The following TLK2 variants were observed in gnomAD, a reference collection of about 807,000 sequenced individuals.
The protein encoded by TLK2 is tousled like kinase 2.
A neutral mutation model predicts 117.3 loss-of-function variants in TLK2; 6 were observed. The observed-to-expected ratio is 0.05, with a 90% CI of 0.03 to 0.10. The LOEUF is 0.10. Among genes scored for constraint, TLK2 ranks in the 10% least tolerant of loss-of-function variants. The pLI, the probability that TLK2 is intolerant of heterozygous loss-of-function variation, is 1.00. For missense variants in TLK2, 299 were observed against 901.2 expected (o/e 0.33, Z 8.56); for synonymous variants, 257 against 316.7 (o/e 0.81, Z 2.00).
intron 2 of TLK2, among the ~76,000 whole-genome samples, chr17:62,491,789 T>C (rs2144706303): frequency 6.6e-6 from 1 of 152,310 alleles, no homozygotes; most frequent in East Asian, 1.9e-4. Flanking sequence ...TTTCACCGTG[T>C]TGGCCAGGAT....
chr17:62,565,428 G>A (rs1278068887), intron 11 of TLK2, among the ~76,000 whole-genome samples: 2 of 151,838 alleles, frequency 1.3e-5, no homozygotes, highest in African/African-American at 4.8e-5. Flanking sequence ...GCCGAGGCGG[G>A]TGGATCATGA....
chr17:62,510,967 C>CT lies in TLK2; in HGVS notation c.82-9800dup, dbSNP rs540584966. 9.2e-5 allele frequency among the ~76,000 whole-genome samples: 14 copies of CT among 152,176 alleles called. No individual in the cohort carries two copies. The South Asian group carries it at 2.7e-3, about 29-fold the overall frequency. On this transcript the variant is annotated intron_variant, in intron 2 of 21. Coordinates refer to ENST00000346027, the MANE Select transcript of TLK2 (RefSeq NM_006852.6). Reference sequence around the variant, plus strand: ...AAAACCCCAAAAACTTTAGAAAAATCTTTTTTATTTCAGAGTAATTAGAGA... The same window carrying CT: ...AAAACCCCAAAAACTTTAGAAAAATCTTTTTTTATTTCAGAGTAATTAGAGA...
chr17:62,570,886 A>G (rs886590993), intron 11 of TLK2, among the ~76,000 whole-genome samples: 1 of 152,202 alleles, frequency 6.6e-6, no homozygotes, highest in Non-Finnish European at 1.5e-5. Flanking sequence ...CAATTTTGCA[A>G]AACACTGTTA....
intron 16 of TLK2, among the ~76,000 whole-genome samples, chr17:62,596,158 T>A (rs6504111): frequency 0.68 from 102,880 of 152,004 alleles, 35,038 homozygotes; most frequent in East Asian, 0.82. Context: ...GCTCACTGCA[T>A]CCTCCAACTC....
chr17:62,586,282 G>A (rs1367269447), intron 16 of TLK2, 56 bp downstream of exon 16: 4 of 1,248,994 alleles, frequency 3.2e-6, no homozygotes, highest in Non-Finnish European at 4.6e-6. Context: ...TGTAGTTTGA[G>A]CATTATGCTA....
At chr17:62,502,333 A>G (rs2074272618) in intron 2 of TLK2, among the ~76,000 whole-genome samples, 1 of 152,170 alleles carries the variant, frequency 6.6e-6, no homozygotes. Context: ...GCATTTGACT[A>G]ACTGTTAACA....
At chr17:62,517,551 C>A (rs1269813105) in intron 2 of TLK2, among the ~76,000 whole-genome samples, 1 of 152,044 alleles carries the variant, frequency 6.6e-6, no homozygotes, top group African/African-American at 2.4e-5. Context: ...CCCGCCACTG[C>A]ACCCAGCTAA....
At chr17:62,556,381 TTTTG>T (rs1406290911) in intron 9 of TLK2, among the ~76,000 whole-genome samples, 44 of 152,222 alleles carry the variant, frequency 2.9e-4, no homozygotes, top group African/African-American at 1.0e-3. Context: ...TATTTATAGT[TTTTG>T]TTTTATCTGT....
At chr17:62,606,108 T>C (rs1270685445) in intron 19 of TLK2, 22 bp from the exon 20 acceptor site, 4 of 1,174,282 alleles carry the variant, frequency 3.4e-6, no homozygotes, top group Non-Finnish European at 3.7e-6. Flanking sequence ...TTCTAATAAT[T>C]TATATTTCTT....
chr17:62,490,337 T>C (rs2072977525), intron 2 of TLK2, among the ~76,000 whole-genome samples: 1 of 152,214 alleles, frequency 6.6e-6, no homozygotes, highest in African/African-American at 2.4e-5. Context: ...ATTTTCTCTT[T>C]AGATTTGCCT....
intron 15 of TLK2, among the ~76,000 whole-genome samples, chr17:62,581,053 C>T (rs764512176): frequency 7.2e-5 from 11 of 152,008 alleles, no homozygotes; most frequent in Non-Finnish European, 1.3e-4. Flanking sequence ...TGCTCTATTG[C>T]CCAGGCTGGA....
chr17:62,579,092 T>C (rs1483173274), intron 14 of TLK2, among the ~76,000 whole-genome samples: 1 of 152,234 alleles, frequency 6.6e-6, no homozygotes, highest in Non-Finnish European at 1.5e-5. Context: ...GGGGTTTTTA[T>C]AAGTAATCTG....
intron 9 of TLK2, among the ~76,000 whole-genome samples, chr17:62,557,032 C>T (rs926630232): frequency 6.6e-6 from 1 of 152,198 alleles, no homozygotes; most frequent in African/African-American, 2.4e-5. Flanking sequence ...TCAAGCAGTC[C>T]TCTCACTTCA....
intron 19 of TLK2, 54 bp from the exon 20 acceptor site, chr17:62,606,076 T>G (rs1304570826): frequency 1.3e-6 from 1 of 797,920 alleles, no homozygotes; most frequent in East Asian, 2.9e-5. Flanking sequence ...TTTGTACATG[T>G]CTTAAACTTA....
At chr17:62,480,553 T>C (rs2071514844) in intron 1 of TLK2, among the ~76,000 whole-genome samples, 1 of 152,260 alleles carries the variant, frequency 6.6e-6, no homozygotes, top group South Asian at 2.1e-4. Context: ...CCGTGGGCTC[T>C]CTATTAAATT....
intron 6 of TLK2, among the ~76,000 whole-genome samples, chr17:62,535,581 A>G (rs140768927): frequency 1.2e-3 from 180 of 152,144 alleles, no homozygotes; most frequent in African/African-American, 4.2e-3. Context: ...AGCCTGGCCA[A>G]CATGGTGAAA....
intron 17 of TLK2, among the ~76,000 whole-genome samples, chr17:62,597,033 A>G (rs1217819736): frequency 6.6e-6 from 1 of 152,106 alleles, no homozygotes; most frequent in Non-Finnish European, 1.5e-5. Context: ...CACATACTGT[A>G]TGATTCACAC....
At chr17:62,588,115 T>C (rs994525926) in intron 16 of TLK2, among the ~76,000 whole-genome samples, 1 of 149,242 alleles carries the variant, frequency 6.7e-6, no homozygotes, top group African/African-American at 2.5e-5. Flanking sequence ...GTATAAAATA[T>C]ACGTATACAT....
At chr17:62,513,921 T>C (rs900221079) in intron 2 of TLK2, among the ~76,000 whole-genome samples, 5 of 151,928 alleles carry the variant, frequency 3.3e-5, no homozygotes, top group Admixed American at 1.3e-4. Flanking sequence ...ACTCCTGACC[T>C]TGTGATCCAC....
Sources: gnomAD v4.1 joint callset for allele counts (sites outside exome capture counted in the v4.1 genomes callset) on GRCh38, gnomAD v4.1.1 for gene constraint, MANE v1.5 for transcripts, NCBI Gene and HGNC (gene_info 2026-07-23, HGNC 2026-07-21) for gene names.